The following CDK17 variants were observed in gnomAD, a reference collection of about 807,000 sequenced individuals.
CDK17 encodes the protein cyclin dependent kinase 17.
In CDK17, 24 loss-of-function variants were observed where a neutral mutation model predicts 77.6. The ratio of observed to expected loss-of-function variants is 0.31; its 90% CI spans 0.22 to 0.44. CDK17 has a LOEUF of 0.44. Ranked by LOEUF, CDK17 falls within the 20% of genes least tolerant of loss-of-function variation. The probability of loss-of-function intolerance (pLI) is 1.00; values close to 1 mark genes in which losing one functional copy is unlikely to be tolerated. For synonymous variants in CDK17, 203 were observed against 210.4 expected (o/e 0.96, Z 0.30); for missense variants, 429 against 622.5 (o/e 0.69, Z 3.31).
At chr12:96,329,740 C>T (rs185918913) in intron 2 of CDK17, among the ~76,000 whole-genome samples, 11 of 152,248 alleles carry the variant, frequency 7.2e-5, no homozygotes, top group Admixed American at 2.0e-4. Flanking sequence ...CACAAACTGT[C>T]GAAGACAAAC....
In CDK17 at chr12:96,280,894, CAT is replaced by C. The variant is rs752706828; in HGVS notation, c.1457-11_1457-10del. The C allele has an allele frequency of 1.2e-6, 2 of 1,605,562 alleles. No homozygotes were observed. The highest frequency in any genetic ancestry group is 3.4e-5 in the Admixed American group (2 of 58,536). On this transcript the variant is annotated splice_polypyrimidine_tract_variant and intron_variant, in intron 15 of 16. Transcript: ENST00000261211. ...ACTGAATATTGATACACCTAAAATG[CAT>C]AGACAAAAATTATTAGGTGAAGGTC... is the stretch of plus-strand genomic sequence containing the variant.
intron 6 of CDK17, among the ~76,000 whole-genome samples, chr12:96,299,899 C>T (rs1952472748): frequency 6.6e-6 from 1 of 152,032 alleles, no homozygotes; most frequent in Admixed American, 6.6e-5. Flanking sequence ...TCAAGAAAAC[C>T]AAGATCTTAA....
chr12:96,338,007 A>T (rs888100056), intron 1 of CDK17, among the ~76,000 whole-genome samples: 5 of 152,206 alleles, frequency 3.3e-5, no homozygotes, highest in African/African-American at 1.2e-4. Context: ...CTATATAAAC[A>T]ATATGAATTA....
At chr12:96,391,278 G>T (rs1954063059) in intron 1 of CDK17, among the ~76,000 whole-genome samples, 1 of 143,960 alleles carries the variant, frequency 6.9e-6, no homozygotes, top group Non-Finnish European at 1.5e-5. Context: ...GGGTTGTTTT[G>T]TTTTTGATTT....
chr12:96,286,651 T>C lies in CDK17; in HGVS notation c.1216+13A>G, dbSNP rs754532875. Reference sequence around the variant, plus strand: ...TGGGTGCAAAATCACTGGGAAAAGATTTCTTCTGTTACCTAGCAGTCGGAA... The same window carrying C: ...TGGGTGCAAAATCACTGGGAAAAGACTTCTTCTGTTACCTAGCAGTCGGAA... On this transcript the variant is annotated intron_variant, in intron 12 of 16. Coordinates refer to ENST00000261211, the MANE Select transcript of CDK17 (RefSeq NM_002595.5). 18 of 1,596,188 alleles carry C rather than the reference T, an allele frequency of 1.1e-5. No homozygotes were observed. Among genetic ancestry groups the C allele is most frequent in the South Asian group, 3.3e-5 (3 of 90,550 alleles).
intron 1 of CDK17, among the ~76,000 whole-genome samples, chr12:96,393,497 C>G (rs752514926): frequency 9.2e-5 from 14 of 151,766 alleles, no homozygotes; most frequent in Non-Finnish European, 1.9e-4. Context: ...CTTTGGGAGG[C>G]TGAGGCAGGC....
At chr12:96,293,623 A>G (rs989488603) in intron 10 of CDK17, among the ~76,000 whole-genome samples, 20 of 152,186 alleles carry the variant, frequency 1.3e-4, no homozygotes, top group African/African-American at 4.1e-4. Context: ...CAAAACCTAT[A>G]ACGATGAACT....
At chr12:96,349,551 AAG>A (rs1953279996) in intron 1 of CDK17, among the ~76,000 whole-genome samples, 1 of 151,698 alleles carries the variant, frequency 6.6e-6, no homozygotes, top group Non-Finnish European at 1.5e-5. Context: ...AAAAAAAAAA[AAG>A]GATTTTACAA....
At chr12:96,356,916 G>A (rs1244282162) in intron 1 of CDK17, among the ~76,000 whole-genome samples, 2 of 152,112 alleles carry the variant, frequency 1.3e-5, no homozygotes, top group Non-Finnish European at 1.5e-5. Flanking sequence ...AATGTCACTC[G>A]GAATGTAGAT....
At chr12:96,381,574 C>T (rs1041940926) in intron 1 of CDK17, among the ~76,000 whole-genome samples, 2 of 151,948 alleles carry the variant, frequency 1.3e-5, no homozygotes, top group Admixed American at 1.3e-4. Flanking sequence ...ATAAACTCTA[C>T]TACTGTCCAT....
chr12:96,350,854 A>C (rs1281111181), intron 1 of CDK17, among the ~76,000 whole-genome samples: 1 of 152,196 alleles, frequency 6.6e-6, no homozygotes, highest in Non-Finnish European at 1.5e-5. Flanking sequence ...AAAGACCCCC[A>C]AAAACAGACA....
chr12:96,282,469 T>C (rs1565801377), intron 15 of CDK17, 40 bp downstream of exon 15: 2 of 1,367,492 alleles, frequency 1.5e-6, no homozygotes, highest in Non-Finnish European at 1.0e-6. Flanking sequence ...CTTGGACAAA[T>C]AAAAATAAAG....
chr12:96,390,546 T>TA (rs1299576427), intron 1 of CDK17, among the ~76,000 whole-genome samples: 1 of 146,114 alleles, frequency 6.8e-6, no homozygotes, highest in African/African-American at 2.5e-5. Context: ...TGGTCTCCAC[T>TA]AAAAATACAA....
intron 1 of CDK17, among the ~76,000 whole-genome samples, chr12:96,350,346 TAAA>T (rs773469994): frequency 7.7e-6 from 1 of 129,840 alleles, no homozygotes. Flanking sequence ...GTCTCAAATT[TAAA>T]AAAAAAAAAA....
intron 1 of CDK17, among the ~76,000 whole-genome samples, chr12:96,396,981 A>G (rs1305579214): frequency 6.6e-6 from 1 of 152,210 alleles, no homozygotes; most frequent in African/African-American, 2.4e-5. Flanking sequence ...AACTGTTATA[A>G]TATTAAGGGA....
intron 2 of CDK17, among the ~76,000 whole-genome samples, chr12:96,331,733 ACC>A (rs970088899): frequency 3.8e-4 from 58 of 152,308 alleles, no homozygotes; most frequent in Admixed American, 2.9e-3. Flanking sequence ...AACGCATCAT[ACC>A]CATAATTTCT....
At chr12:96,311,872 A>T (rs1037628917) in intron 4 of CDK17, among the ~76,000 whole-genome samples, 1 of 152,202 alleles carries the variant, frequency 6.6e-6, no homozygotes, top group African/African-American at 2.4e-5. Flanking sequence ...AAGTTATATA[A>T]CCACTAAGAA....
intron 1 of CDK17, among the ~76,000 whole-genome samples, chr12:96,355,723 G>C (rs752235749): frequency 6.6e-6 from 1 of 151,970 alleles, no homozygotes; most frequent in South Asian, 2.1e-4. Flanking sequence ...GTCTATTGTC[G>C]ATTCCCTCCA....
At chr12:96,321,730 A>G (rs1288617422) in intron 3 of CDK17, among the ~76,000 whole-genome samples, 1 of 102,416 alleles carries the variant, frequency 9.8e-6, no homozygotes, top group Non-Finnish European at 2.0e-5. Context: ...AACACCGCAT[A>G]TTCTCACTCA....
Sources: gnomAD v4.1 joint callset for allele counts (sites outside exome capture counted in the v4.1 genomes callset) on GRCh38, gnomAD v4.1.1 for gene constraint, MANE v1.5 for transcripts, NCBI Gene and HGNC (gene_info 2026-07-23, HGNC 2026-07-21) for gene names.